The following MALRD1 variants were observed in gnomAD, a reference collection of about 807,000 sequenced individuals.
MALRD1 encodes the protein MAM and LDL receptor class A domain containing 1.
A neutral mutation model predicts 242.1 loss-of-function variants in MALRD1; 247 were observed. The observed-to-expected ratio is 1.02, with a 90% CI of 0.92 to 1.13. The LOEUF (loss-of-function observed/expected upper bound fraction) is 1.13. Among genes scored for constraint, MALRD1 ranks in the 50% most tolerant of loss-of-function variants. MALRD1 has a pLI of 0.00. For synonymous variants in MALRD1, 995 were observed against 866.6 expected, an observed-to-expected ratio of 1.15 and a Z score of -2.60; for missense variants, 2,989 against 2,533.1, an observed-to-expected ratio of 1.18 and a Z score of -3.86.
At chr10:19,389,393 G>A (rs1158198995) in intron 27 of MALRD1, 59 bp from the exon 28 acceptor site, 1 of 1,496,604 alleles carries the variant, frequency 6.7e-7, no homozygotes, top group Non-Finnish European at 9.1e-7. Context: ...TGATGGAAAT[G>A]CAAAAATAAT....
intron 1 of MALRD1, among the ~76,000 whole-genome samples, chr10:19,054,583 G>T (rs1452005022): frequency 6.6e-6 from 1 of 152,102 alleles, no homozygotes; most frequent in Non-Finnish European, 1.5e-5. Flanking sequence ...CCAGTGTCTG[G>T]TAATCATCAT....
chr10:19,331,151 C>A (rs1432071594), intron 23 of MALRD1, among the ~76,000 whole-genome samples: 1 of 152,094 alleles, frequency 6.6e-6, no homozygotes, highest in Non-Finnish European at 1.5e-5. Flanking sequence ...AGTGGTGTTG[C>A]CACTCCCACA....
At chr10:19,388,723 G>A (rs931497221) in intron 27 of MALRD1, among the ~76,000 whole-genome samples, 6 of 152,110 alleles carry the variant, frequency 3.9e-5, no homozygotes, top group African/African-American at 1.4e-4. Flanking sequence ...ATAAAGGACA[G>A]TAGCAGAATA....
At chr10:19,143,865 G>A (rs140908907) in intron 10 of MALRD1, among the ~76,000 whole-genome samples, 45 of 152,314 alleles carry the variant, frequency 3.0e-4, no homozygotes, top group African/African-American at 1.0e-3. Flanking sequence ...TTAGACCAGA[G>A]GGTTCTGTAA....
intron 31 of MALRD1, among the ~76,000 whole-genome samples, chr10:19,518,619 G>T (rs1459064403): frequency 4.6e-5 from 7 of 151,584 alleles, no homozygotes; most frequent in Admixed American, 3.3e-4. Flanking sequence ...TCCAAATTTT[G>T]TATTAATTGT....
Position 19,450,328 on chromosome 10 carries a change from G to T in MALRD1, c.4867G>T (p.Val1623Leu). The T allele has an allele frequency of 6.5e-7, 1 of 1,548,594 alleles. No homozygotes were observed. Among genetic ancestry groups the T allele is most frequent in the Non-Finnish European group, 8.7e-7 (1 of 1,146,766 alleles). Reference sequence around the variant, plus strand: ...TCAGACAGAGAAAGGACTATCAAAAGTATGGCAAGAAAGTAAGCAGAACCC... The same window carrying T: ...TCAGACAGAGAAAGGACTATCAAAATTATGGCAAGAAAGTAAGCAGAACCC... Reference protein sequence around the residue: ...LIKTEKGLSKVWQESKQNPGN... With the variant: ...LIKTEKGLSKLWQESKQNPGN... The change falls in exon 29 of 40, where the codon GTA (valine) becomes TTA (leucine). Residue 1623 changes from valine to leucine, a missense_variant. Physicochemically the swap from Val to Leu is conservative, Grantham distance 32. Coordinates refer to ENST00000454679, the MANE Select transcript of MALRD1 (RefSeq NM_001142308.3).
At chr10:19,554,624 A>C (rs942983642) in intron 32 of MALRD1, among the ~76,000 whole-genome samples, 4 of 151,884 alleles carry the variant, frequency 2.6e-5, no homozygotes, top group African/African-American at 4.8e-5. Context: ...GCTCCCACTT[A>C]TGAGTGAGAA....
At chr10:19,367,841 A>G (rs1845173631) in intron 26 of MALRD1, among the ~76,000 whole-genome samples, 2 of 152,052 alleles carry the variant, frequency 1.3e-5, no homozygotes, top group South Asian at 2.1e-4. Context: ...TTTGATTTGC[A>G]TTTCCCTGGT....
chr10:19,245,661 T>C (rs1333640209), intron 18 of MALRD1, among the ~76,000 whole-genome samples: 3 of 152,190 alleles, frequency 2.0e-5, no homozygotes, highest in Non-Finnish European at 4.4e-5. Flanking sequence ...TTAGTAGCTC[T>C]TAAATTTTCC....
chr10:19,188,924 A>C (rs2131580017), intron 14 of MALRD1, among the ~76,000 whole-genome samples: 1 of 152,296 alleles, frequency 6.6e-6, no homozygotes, highest in South Asian at 2.1e-4. Context: ...AAAAGCTTTG[A>C]TAGAAATGAA....
chr10:19,452,867 A>T (rs926495908), intron 29 of MALRD1, among the ~76,000 whole-genome samples: 2 of 152,150 alleles, frequency 1.3e-5, no homozygotes, highest in Admixed American at 6.5e-5. Context: ...GAGTCAAACT[A>T]TGTGGGCATG....
intron 26 of MALRD1, among the ~76,000 whole-genome samples, chr10:19,354,021 C>T (rs1267725873): frequency 2.6e-5 from 4 of 151,484 alleles, no homozygotes; most frequent in South Asian, 2.1e-4. Context: ...GCCACATGCC[C>T]GACTCAAGGA....
intron 35 of MALRD1, among the ~76,000 whole-genome samples, chr10:19,610,498 C>T (rs957468005): frequency 2.0e-5 from 3 of 151,982 alleles, no homozygotes; most frequent in Admixed American, 6.6e-5. Flanking sequence ...AGAATAATCT[C>T]TTCCCTCTGA....
At chr10:19,163,636 T>C (rs977094079) in intron 12 of MALRD1, among the ~76,000 whole-genome samples, 2 of 152,110 alleles carry the variant, frequency 1.3e-5, no homozygotes, top group Admixed American at 1.3e-4. Flanking sequence ...TCTTCACATG[T>C]ACCCCTGAAC....
chr10:19,590,051 A>T (rs10827626), intron 33 of MALRD1, among the ~76,000 whole-genome samples: 1 of 151,784 alleles, frequency 6.6e-6, no homozygotes, highest in East Asian at 1.9e-4. Context: ...CTGACCAAGC[A>T]GCTCACTGGG....
At chr10:19,300,148 G>C (rs148264694) in intron 21 of MALRD1, among the ~76,000 whole-genome samples, 24 of 151,956 alleles carry the variant, frequency 1.6e-4, no homozygotes, top group African/African-American at 5.5e-4. Context: ...GATACCTAGG[G>C]ATGCAGCTCA....
chr10:19,531,480 C>G lies in MALRD1; in HGVS notation c.5478+129C>G, dbSNP rs1005957584. On this transcript the variant is annotated intron_variant, in intron 32 of 39. Coordinates refer to ENST00000454679, the MANE Select transcript of MALRD1 (RefSeq NM_001142308.3). ...TGCTGATGCCATTAATTTCTCATTT[C>G]TTTCTGGGGCAGTGGGACTTTGGCA... The G allele has an allele frequency of 3.3e-6, 3 of 907,594 alleles. No homozygotes were observed. In the East Asian group the frequency reaches 8.5e-5, roughly 26 times the overall value. 56.2% of individuals were successfully genotyped at this position (907,594 alleles called of 1,614,324 possible).
chr10:19,426,838 C>T (rs1017633901), intron 28 of MALRD1, among the ~76,000 whole-genome samples: 1 of 152,090 alleles, frequency 6.6e-6, no homozygotes, highest in African/African-American at 2.4e-5. Flanking sequence ...AAAATAAATT[C>T]TGGCATCTTA....
At chr10:19,587,268 T>C (rs1184436810) in intron 33 of MALRD1, among the ~76,000 whole-genome samples, 1 of 152,206 alleles carries the variant, frequency 6.6e-6, no homozygotes. Flanking sequence ...TGTAATCTTT[T>C]TGAATGCTGT....
Sources: allele counts gnomAD v4.1 joint callset (sites outside exome capture counted in the v4.1 genomes callset), GRCh38; gene constraint gnomAD v4.1.1; transcripts MANE v1.5; gene names NCBI Gene and HGNC (gene_info 2026-07-23, HGNC 2026-07-21).